The following ARID5B variants were observed in gnomAD, a reference collection of about 807,000 sequenced individuals.
ARID5B encodes the protein AT-rich interaction domain 5B.
In ARID5B, 13 loss-of-function variants were observed where a neutral mutation model predicts 97.2. The observed-to-expected ratio is 0.13, with a 90% CI of 0.09 to 0.21. The LOEUF is 0.21. Ranked by LOEUF, ARID5B falls within the 10% of genes least tolerant of loss-of-function variation. The pLI is 1.00. For missense variants in ARID5B, 1,210 were observed against 1,465.3 expected, an observed-to-expected ratio of 0.83 and a Z score of 2.84; for synonymous variants, 556 against 570.3, an observed-to-expected ratio of 0.97 and a Z score of 0.36.
intron 4 of ARID5B, among the ~76,000 whole-genome samples, chr10:62,001,587 A>G (rs575579697): frequency 8.5e-5 from 13 of 152,276 alleles, no homozygotes; most frequent in Admixed American, 7.8e-4. Context: ...TGGTGCTGCT[A>G]CTAGAGAAAT....
chr10:61,934,230 T>C (rs1302441308), intron 2 of ARID5B, among the ~76,000 whole-genome samples: 1 of 152,218 alleles, frequency 6.6e-6, no homozygotes, highest in Non-Finnish European at 1.5e-5. Flanking sequence ...GATTAGGCTT[T>C]GGTTTAAGGG....
rs1227632411 is a variant in ARID5B at position 62,000,200 on chromosome 10, C to A, written c.612C>A (p.Asp204Glu). The change falls in exon 4 of 10, where the codon GAC (aspartate) becomes GAA (glutamate). Residue 204 changes from aspartate to glutamate, a missense_variant. Physicochemically the swap from Asp to Glu is conservative, Grantham distance 45. Around this residue, in one of 8 missense-constraint regions of ARID5B, gnomAD observed 132 missense variants for 156.7 expected, o/e 0.84. Coordinates refer to ENST00000279873, the MANE Select transcript of ARID5B (RefSeq NM_032199.3). This position sits in a 1 kb window ranked among gnomAD's most constrained non-coding sequence, Gnocchi z 4.4. ...ATAAGCCATCTTCCATTCTAACGGACCAGTTTGCATTGGCCCTGGGGGGCA... is the reference window on the plus strand; with the variant it reads ...ATAAGCCATCTTCCATTCTAACGGAACAGTTTGCATTGGCCCTGGGGGGCA... ...IQDKPSSILT[D>E]QFALALGGIA... 1 of 1,614,066 alleles carries A rather than the reference C, an allele frequency of 6.2e-7. No individual in the cohort carries two copies. The highest frequency in any genetic ancestry group is 1.7e-5 in the Admixed American group (1 of 60,030).
intron 3 of ARID5B, among the ~76,000 whole-genome samples, chr10:61,981,099 C>A (rs1211968658): frequency 6.6e-6 from 1 of 152,186 alleles, no homozygotes; most frequent in East Asian, 1.9e-4. Flanking sequence ...TCTCTCTAAG[C>A]CTCAATTTCC....
At chr10:62,041,329 T>C (rs1162310869) in intron 4 of ARID5B, among the ~76,000 whole-genome samples, 2 of 152,186 alleles carry the variant, frequency 1.3e-5, no homozygotes, top group East Asian at 3.8e-4. Flanking sequence ...TTGGGGATGG[T>C]GCTGGTGCCC....
In ARID5B at chr10:62,050,845, T is replaced by C. The variant is rs367642225; in HGVS notation, c.734-43T>C. 3.9e-6 allele frequency: 6 copies of C among 1,526,618 alleles called. No individual in the cohort carries two copies. The Admixed American group carries it at 8.5e-5, about 22-fold the overall frequency. 94.6% of individuals were successfully genotyped at this position (1,526,618 alleles called of 1,614,324 possible). ...TCTGGGTCTTTAATAAAGAAACCCATGCAAGTGAAAATGTATATCAATTGT... is the reference window on the plus strand; with the variant it reads ...TCTGGGTCTTTAATAAAGAAACCCACGCAAGTGAAAATGTATATCAATTGT... On this transcript the variant is annotated intron_variant, in intron 4 of 9. Transcript: ENST00000279873.
At chr10:61,931,522 A>G (rs1213021733) in intron 2 of ARID5B, among the ~76,000 whole-genome samples, 1 of 152,224 alleles carries the variant, frequency 6.6e-6, no homozygotes, top group African/African-American at 2.4e-5. Flanking sequence ...ATCAAAATAT[A>G]AAACCTTTGC....
intron 2 of ARID5B, among the ~76,000 whole-genome samples, chr10:61,936,016 T>C (rs1478906202): frequency 6.6e-6 from 1 of 152,242 alleles, no homozygotes; most frequent in Non-Finnish European, 1.5e-5. Context: ...AATGTCTTAG[T>C]AGTTTTAGGA....
intron 8 of ARID5B, among the ~76,000 whole-genome samples, chr10:62,076,450 G>A (rs919521777): frequency 3.3e-5 from 5 of 151,638 alleles, no homozygotes; most frequent in Non-Finnish European, 7.4e-5. Context: ...TCTGAGGCAC[G>A]AGAATCACGG....
At chr10:62,080,980 G>T (rs1840205958) in intron 8 of ARID5B, among the ~76,000 whole-genome samples, 1 of 151,976 alleles carries the variant, frequency 6.6e-6, no homozygotes, top group African/African-American at 2.4e-5. Flanking sequence ...GTACCACCAT[G>T]CCTGGCTAAT....
chr10:61,965,383 G>T (rs1332233001), intron 3 of ARID5B, among the ~76,000 whole-genome samples: 2 of 152,094 alleles, frequency 1.3e-5, no homozygotes, highest in Non-Finnish European at 2.9e-5. Context: ...CTGTATTAAA[G>T]AGGAGGAACG....
At position 62,092,451 on chromosome 10, in the gene ARID5B, C is replaced by A; in HGVS notation, c.2988C>A (p.Ile996=). ...AGATGGAAGGCATGGTCCACCCAAT[C>A]CTGCACCGGAAAATGAGCCCGCAGA... ...FRKMEGMVHP[I]LHRKMSPQNI... The change falls in exon 10 of 10, where the codon ATC becomes ATA. Residue 996 remains isoleucine (I), a synonymous_variant. Transcript: ENST00000279873. 1 of 1,614,200 alleles carries A rather than the reference C, an allele frequency of 6.2e-7. No homozygotes were observed.
intron 4 of ARID5B, chr10:62,049,082 G>A: frequency 1.1e-6 from 1 of 890,010 alleles, no homozygotes; most frequent in South Asian, 4.0e-5. Context: ...CCATGCCCTG[G>A]CTCCAGGCTG....
chr10:61,983,439 T>G (rs758482587), intron 3 of ARID5B, among the ~76,000 whole-genome samples: 16 of 152,246 alleles, frequency 1.1e-4, no homozygotes, highest in Non-Finnish European at 2.2e-4. Context: ...GTATCTTGGC[T>G]GGCGTTCAGA....
In ARID5B at chr10:61,902,073, A is replaced by T. The variant is rs1234512597; in HGVS notation, c.22-86A>T. The T allele has an allele frequency of 6.6e-6, 10 of 1,506,480 alleles. No individual in the cohort carries two copies. In the Admixed American group the frequency reaches 9.2e-5, roughly 14 times the overall value. 93.3% of individuals were successfully genotyped at this position (1,506,480 alleles called of 1,614,324 possible). A position where few individuals can be genotyped will look rare whatever the true frequency, so the allele number is the denominator to read the frequency against. On this transcript the variant is annotated intron_variant, in intron 1 of 9. Coordinates refer to ENST00000279873, the MANE Select transcript of ARID5B (RefSeq NM_032199.3). ...TGGGTCGTCTGTATTAAGAGAGTGGATGTCTGTGTGTAAATGTGTCTGGGA... is the reference window on the plus strand; with the variant it reads ...TGGGTCGTCTGTATTAAGAGAGTGGTTGTCTGTGTGTAAATGTGTCTGGGA...
intron 5 of ARID5B, among the ~76,000 whole-genome samples, chr10:62,053,271 T>C (rs996741245): frequency 6.6e-6 from 1 of 152,182 alleles, no homozygotes; most frequent in Non-Finnish European, 1.5e-5. Flanking sequence ...ACAGACCATT[T>C]CTAACTAAGC....
At chr10:62,080,660 G>A (rs780862146) in intron 8 of ARID5B, among the ~76,000 whole-genome samples, 50 of 152,140 alleles carry the variant, frequency 3.3e-4, no homozygotes, top group Non-Finnish European at 6.0e-4. Flanking sequence ...GCTGCAAAGG[G>A]AAATGTCTGG....
chr10:62,009,336 T>C (rs1839187499), intron 4 of ARID5B, among the ~76,000 whole-genome samples: 1 of 152,246 alleles, frequency 6.6e-6, no homozygotes, highest in Non-Finnish European at 1.5e-5. Context: ...TGAGTGCTTA[T>C]ACATTCATTC....
Position 62,057,336 on chromosome 10 carries a change from C to T in ARID5B, c.1048+18C>T, listed in dbSNP as rs750277229. 5.6e-6 allele frequency: 9 copies of T among 1,604,520 alleles called. No individual in the cohort carries two copies. Among genetic ancestry groups the T allele is most frequent in the African/African-American group, 5.4e-5 (4 of 74,042 alleles). ...TAAACAGAGTGAGTATACTTGTTTT[C>T]GTTTCTGAATTATCAGAGCTGCTCA... On this transcript the variant is annotated intron_variant, in intron 6 of 9. Coordinates refer to ENST00000279873, the MANE Select transcript of ARID5B (RefSeq NM_032199.3).
chr10:62,058,920 G>A (rs934639925), intron 6 of ARID5B, among the ~76,000 whole-genome samples: 1 of 152,148 alleles, frequency 6.6e-6, no homozygotes, highest in African/African-American at 2.4e-5. Flanking sequence ...AGTTTTGAGA[G>A]CCCATGCTTT....
Sources: allele counts gnomAD v4.1 joint callset (sites outside exome capture counted in the v4.1 genomes callset), GRCh38; gene constraint gnomAD v4.1.1; regional missense constraint gnomAD v4.1.1; non-coding constraint Gnocchi (gnomAD v3.1); transcripts MANE v1.5; gene names NCBI Gene and HGNC (gene_info 2026-07-23, HGNC 2026-07-21).